The following MYCBPAP variants were observed in gnomAD, a reference collection of about 807,000 sequenced individuals.
MYCBPAP encodes the protein MYCBP-associated protein.
In MYCBPAP, 60 loss-of-function variants were observed where a neutral mutation model predicts 106.1. The ratio of observed to expected loss-of-function variants is 0.57; its 90% confidence interval spans 0.46 to 0.70. The LOEUF is 0.70. Ranked by LOEUF, MYCBPAP falls within the 30% of genes least tolerant of loss-of-function variation. The probability of loss-of-function intolerance (pLI) is 0.00; values close to 1 mark genes in which losing one functional copy is unlikely to be tolerated. For missense variants in MYCBPAP, 1,064 were observed against 1,169.3 expected (o/e 0.91, Z 1.31); for synonymous variants, 407 against 440.6 (o/e 0.92, Z 0.95).
chr17:50,530,226 G>A (rs773448069), intron 18 of MYCBPAP: 32 of 438,296 alleles, frequency 7.3e-5, no homozygotes, highest in Non-Finnish European at 1.4e-4. Flanking sequence ...AGGTGCGGTG[G>A]CTCGTGCCTG....
intron 1 of MYCBPAP, chr17:50,510,493 G>GTATA (rs2033791881): frequency 2.0e-5 from 2 of 99,066 alleles, no homozygotes; most frequent in Non-Finnish European, 3.9e-5. Flanking sequence ...GTGTGTGTGT[G>GTATA]TGTGTGTATA....
chr17:50,518,533 CT>C lies in MYCBPAP; in HGVS notation c.469-4del, dbSNP rs2034136002. 1.3e-6 allele frequency: 2 copies of C among 1,560,014 alleles called. No individual in the cohort carries two copies. Among genetic ancestry groups the C allele is most frequent in the Non-Finnish European group, 1.7e-6 (2 of 1,157,838 alleles). On this transcript the variant is annotated splice_polypyrimidine_tract_variant and splice_region_variant and intron_variant, in intron 4 of 18. Transcript: ENST00000323776. ...CTGCCCTCCACATACCTATGTTGTA[CT>C]TTTCAGCTGGCTGAGCGGATACCTA...
At chr17:50,523,187 G>C in intron 11 of MYCBPAP, 59 bp downstream of exon 11, 1 of 1,549,072 alleles carries the variant, frequency 6.5e-7, no homozygotes, top group Middle Eastern at 1.7e-4. Flanking sequence ...TTTGTCCTCC[G>C]TGAGACATCA....
At position 50,522,058 on chromosome 17, in the gene MYCBPAP, A is replaced by G. The variant is rs1392021416; in HGVS notation, c.1234A>G (p.Arg412Gly). 6.2e-7 allele frequency: 1 copy of G among 1,613,800 alleles called. No individual in the cohort carries two copies. The highest frequency in any genetic ancestry group is 1.3e-5 in the African/African-American group (1 of 74,930). The change falls in exon 10 of 19, where the codon AGA becomes GGA. Residue 412 changes from arginine (R) to glycine (G), a missense_variant. Arg to Gly is a moderately radical substitution (Grantham distance 125). Coordinates refer to ENST00000323776, the MANE Select transcript of MYCBPAP (RefSeq NM_032133.6). ...LFCGKPACWI[R>G]GSNPQDKRQV... ...CTGTGGGAAGCCAGCTTGCTGGATCAGAGGCAGTAATCCACAGGACAAGGT... is the reference window on the plus strand; with the variant it reads ...CTGTGGGAAGCCAGCTTGCTGGATCGGAGGCAGTAATCCACAGGACAAGGT...
intron 14 of MYCBPAP, 54 bp downstream of exon 14, chr17:50,526,321 A>C: frequency 6.6e-7 from 1 of 1,511,166 alleles, no homozygotes; most frequent in Non-Finnish European, 8.8e-7. Context: ...CCTCGAACCA[A>C]CAAGGGAGGA....
At chr17:50,521,888 G>C in intron 9 of MYCBPAP, 85 bp from the exon 10 acceptor site, 1 of 1,278,238 alleles carries the variant, frequency 7.8e-7, no homozygotes, top group Non-Finnish European at 1.1e-6. Context: ...GTGTTTCTAG[G>C]CTTCCTGGTG....
Position 50,528,747 on chromosome 17 carries a change from G to A in MYCBPAP, c.2460G>A (p.Gly820=). The change falls in exon 17 of 19, where the codon GGG becomes GGA. Residue 820 remains glycine, a synonymous_variant. Transcript: ENST00000323776. ...TGAAGGTACCTGTGGGGAAAGCTGG[G>A]AAGGAGGAGCGGAAAGGAGCAGCCC... ...MEVKVPVGKA[G]KEERKGAAQE... is the part of the protein sequence containing the mutation. The A allele has an allele frequency of 6.2e-7, 1 of 1,614,086 alleles. No individual in the cohort carries two copies. The highest frequency in any genetic ancestry group is 1.3e-5 in the African/African-American group (1 of 75,030).
rs200952959 is a variant in MYCBPAP, at chr17:50,519,121, AG to A, written c.768+38del. The A allele has an allele frequency of 1.9e-4, 118 of 608,824 alleles. 1 individual carries two copies. The highest frequency in any genetic ancestry group is 1.3e-3 in the South Asian group (77 of 57,098). 37.7% of individuals were successfully genotyped at this position (608,824 alleles called of 1,614,324 possible). A position where few individuals can be genotyped will look rare whatever the true frequency, so the allele number is the denominator to read the frequency against. On this transcript the variant is annotated intron_variant, in intron 6 of 18. Transcript: ENST00000323776. ...CCACCTGTCCTAAGTGCCCGGGGGC[AG>A]GGGGGTCCATGGAGGAGGGGGCGGG... is the stretch of plus-strand genomic sequence containing the variant.
At chr17:50,531,212 C>A in intron 18 of MYCBPAP, 115 bp from the exon 19 acceptor site, 1 of 644,538 alleles carries the variant, frequency 1.6e-6, no homozygotes, top group Non-Finnish European at 2.5e-6. Context: ...TTGTGAAATT[C>A]TTTCACAAAC....
At chr17:50,525,474 T>C (rs1443783387) in intron 13 of MYCBPAP, among the ~76,000 whole-genome samples, 6 of 151,980 alleles carry the variant, frequency 3.9e-5, no homozygotes, top group African/African-American at 1.2e-4. Flanking sequence ...ATGAGATGGG[T>C]ACTATTTATT....
intron 1 of MYCBPAP, among the ~76,000 whole-genome samples, chr17:50,515,158 A>G (rs774383469): frequency 1.3e-5 from 2 of 151,838 alleles, no homozygotes; most frequent in Non-Finnish European, 2.9e-5. Flanking sequence ...TCCTTTCTCC[A>G]GCTTCTTCAG....
Position 50,517,446 on chromosome 17 carries a change from T to C in MYCBPAP, c.358T>C (p.Tyr120His). The C allele has an allele frequency of 2.5e-6, 4 of 1,614,236 alleles. No individual in the cohort carries two copies. Among genetic ancestry groups the C allele is most frequent in the Non-Finnish European group, 3.4e-6 (4 of 1,180,038 alleles). Residue 120 changes from tyrosine to histidine, a missense_variant, in exon 3 of 19, where the codon TAC (tyrosine) becomes CAC (histidine). Coordinates refer to ENST00000323776, the MANE Select transcript of MYCBPAP (RefSeq NM_032133.6). ...TGATGAAGCCACAAAGCCTCTGGAC[T>C]ACTCCGGTACACCCAGTCTCAGCCC... is the stretch of plus-strand genomic sequence containing the variant. ...NPDEATKPLD[Y>H]SGPGDSFDGS...
At chr17:50,526,744 C>T (rs2034476785) in intron 14 of MYCBPAP, among the ~76,000 whole-genome samples, 1 of 152,210 alleles carries the variant, frequency 6.6e-6, no homozygotes, top group Admixed American at 6.5e-5. Flanking sequence ...CCACCACATC[C>T]AGCTAGTTTT....
intron 4 of MYCBPAP, 100 bp from the exon 5 acceptor site, chr17:50,518,441 C>CAGTGGG (rs1372482601): frequency 9.7e-7 from 1 of 1,029,348 alleles, no homozygotes; most frequent in Admixed American, 2.8e-5. Flanking sequence ...ACTCTCAGCG[C>CAGTGGG]AGTGGGATAA....
Position 50,524,997 on chromosome 17 carries a change from G to A in MYCBPAP, c.1756G>A (p.Asp586Asn). The change falls in exon 13 of 19, where the codon GAC (aspartate) becomes AAC (asparagine). Residue 586 changes from aspartate (D) to asparagine (N), a missense_variant. Transcript: ENST00000323776. ...TGTGGATGCCTATCTCACCGAGGAAGACTTGTTCCGGCACAGAAATCCTCC... is the reference window on the plus strand; with the variant it reads ...TGTGGATGCCTATCTCACCGAGGAAAACTTGTTCCGGCACAGAAATCCTCC... ...SPVDAYLTEE[D>N]LFRHRNPPLH... is the part of the protein sequence containing the mutation. The A allele has an allele frequency of 6.2e-7, 1 of 1,613,528 alleles. No individual in the cohort carries two copies. Among genetic ancestry groups the A allele is most frequent in the Non-Finnish European group, 8.5e-7 (1 of 1,179,766 alleles).
In MYCBPAP at chr17:50,511,268, C is replaced by T. The variant is rs887151601; in HGVS notation, c.76+2518C>T. 6.6e-5 allele frequency among the ~76,000 whole-genome samples: 10 copies of T among 151,992 alleles called. No individual in the cohort carries two copies. In the East Asian group the frequency reaches 1.3e-3, roughly 20 times the overall value. On this transcript the variant is annotated intron_variant, in intron 1 of 18. Coordinates refer to ENST00000323776, the MANE Select transcript of MYCBPAP (RefSeq NM_032133.6). ...AAAATAGTGACTTAAACCTGTTTCTCGGGACCTGAGAGCCCTTTTGAGTCC... is the reference window on the plus strand; with the variant it reads ...AAAATAGTGACTTAAACCTGTTTCTTGGGACCTGAGAGCCCTTTTGAGTCC...
chr17:50,526,149 G>T lies in MYCBPAP; in HGVS notation c.2051G>T (p.Ser684Ile). Residue 684 changes from serine (S) to isoleucine (I), a missense_variant, in exon 14 of 19, where the codon AGC becomes ATC. Physicochemically the swap from Ser to Ile is moderately radical, Grantham distance 142 (BLOSUM62 -2). Transcript: ENST00000323776. ...RVGTKSPQRK[S>I]IMEEILVEES... ...GGGACCAAGAGTCCTCAGCGGAAGA[G>T]CATCATGGAGGAGATCCTGGTGGAG... 1 of 1,613,746 alleles carries T rather than the reference G, an allele frequency of 6.2e-7. No individual in the cohort carries two copies.
At chr17:50,520,716 G>A (rs892757177) in intron 7 of MYCBPAP, among the ~76,000 whole-genome samples, 12 of 152,074 alleles carry the variant, frequency 7.9e-5, no homozygotes, top group Admixed American at 7.2e-4. Context: ...CAGCTGTGTC[G>A]TGTTAGTGAA....
chr17:50,517,573 C>T, intron 3 of MYCBPAP, 22 bp from the exon 4 acceptor site: 1 of 1,613,964 alleles, frequency 6.2e-7, no homozygotes, highest in Non-Finnish European at 8.5e-7. Context: ...CTTCTTTCCC[C>T]TTTCTTCTTT....
Sources: allele counts gnomAD v4.1 joint callset (sites outside exome capture counted in the v4.1 genomes callset), GRCh38; gene constraint gnomAD v4.1.1; transcripts MANE v1.5; gene names NCBI Gene and HGNC (gene_info 2026-07-23, HGNC 2026-07-21).